GRIA1: variants seen among roughly 807,000 people sequenced by gnomAD.
GRIA1 encodes the protein glutamate receptor 1.
GRIA1 carries 31 observed loss-of-function variants against 99.2 expected under a neutral mutation model. That is an observed-to-expected ratio of 0.31 (90% CI 0.23 to 0.42). The LOEUF is 0.42. Ranked by LOEUF, GRIA1 falls within the 10% of genes least tolerant of loss-of-function variation. The pLI, the probability that GRIA1 is intolerant of heterozygous loss-of-function variation, is 1.00. For synonymous variants in GRIA1, 438 were observed against 432.4 expected (o/e 1.01, Z -0.16); for missense variants, 782 against 1,157.5 (o/e 0.68, Z 4.71).
chr5:153,758,394 G>C (rs1762960466), intron 11 of GRIA1, among the ~76,000 whole-genome samples: 1 of 151,812 alleles, frequency 6.6e-6, no homozygotes, highest in Non-Finnish European at 1.5e-5. Context: ...CAAAAAAATG[G>C]AGCAGGAGTA....
intron 13 of GRIA1, among the ~76,000 whole-genome samples, chr5:153,783,523 G>C: frequency 6.6e-6 from 1 of 152,150 alleles, no homozygotes; most frequent in East Asian, 1.9e-4. Context: ...ATTCCTGTTG[G>C]AGGAGCCAGA....
chr5:153,522,830 T>C (rs514336), intron 2 of GRIA1, among the ~76,000 whole-genome samples: 124,195 of 152,168 alleles, frequency 0.82, 51,926 homozygotes, highest in Non-Finnish European at 0.9. Flanking sequence ...TGGGAATAGC[T>C]AAATGTTATC....
chr5:153,667,693 G>A (rs1406079006), intron 5 of GRIA1, among the ~76,000 whole-genome samples: 1 of 152,200 alleles, frequency 6.6e-6, no homozygotes, highest in Non-Finnish European at 1.5e-5. Flanking sequence ...GAGAGGTTAA[G>A]TAACCAGTAG....
intron 2 of GRIA1, among the ~76,000 whole-genome samples, chr5:153,535,299 T>C (rs1307418763): frequency 6.6e-6 from 1 of 152,206 alleles, no homozygotes; most frequent in East Asian, 1.9e-4. Flanking sequence ...ATTTAGAATG[T>C]CAAACACGTA....
intron 2 of GRIA1, among the ~76,000 whole-genome samples, chr5:153,523,613 G>A (rs1280609929): frequency 6.6e-6 from 1 of 152,026 alleles, no homozygotes; most frequent in Non-Finnish European, 1.5e-5. Flanking sequence ...TCATTGACTG[G>A]CCTTGACACC....
At chr5:153,740,152 G>T (rs115421861) in intron 11 of GRIA1, among the ~76,000 whole-genome samples, 2 of 152,182 alleles carry the variant, frequency 1.3e-5, no homozygotes, top group African/African-American at 2.4e-5. Context: ...TTTGTGTTCC[G>T]CCCAAGGAAC....
At chr5:153,726,288 G>GA (rs1760520520) in intron 11 of GRIA1, among the ~76,000 whole-genome samples, 2 of 147,848 alleles carry the variant, frequency 1.4e-5, no homozygotes, top group African/African-American at 2.5e-5. Context: ...AGAGAATGCA[G>GA]GAAAGATCCA....
chr5:153,582,935 T>G (rs546806430), intron 2 of GRIA1, among the ~76,000 whole-genome samples: 7 of 152,224 alleles, frequency 4.6e-5, no homozygotes, highest in African/African-American at 1.7e-4. Flanking sequence ...TAACCAGGAC[T>G]ACAGGGGGTG....
At chr5:153,554,611 A>C (rs1290462212) in intron 2 of GRIA1, among the ~76,000 whole-genome samples, 1 of 152,178 alleles carries the variant, frequency 6.6e-6, no homozygotes, top group Non-Finnish European at 1.5e-5. Context: ...CTCCTGCCTC[A>C]GCCTCCCAAG....
intron 2 of GRIA1, among the ~76,000 whole-genome samples, chr5:153,583,635 C>G (rs1357571230): frequency 2.0e-5 from 3 of 152,130 alleles, no homozygotes; most frequent in African/African-American, 7.2e-5. Flanking sequence ...TCTACAATGA[C>G]CCTATTTCCA....
Position 153,622,457 on chromosome 5 carries a change from A to G in GRIA1, c.221-24471A>G, listed in dbSNP as rs556353546. Among the ~76,000 whole-genome samples the G allele has an allele frequency of 1.3e-5, 2 of 152,286 alleles. 1 individual carries two copies. Among genetic ancestry groups the G allele is most frequent in the South Asian group, 4.1e-4 (2 of 4,824 alleles). ...ATAGGCCTCTTAGGTTAAAGTCCTG[A>G]TGTTAGGTTTGCTGGTTGAGAAGGA... On this transcript the variant is annotated intron_variant, in intron 2 of 15. Transcript: ENST00000285900.
chr5:153,604,375 G>T (rs1014518233), intron 2 of GRIA1, among the ~76,000 whole-genome samples: 13 of 152,034 alleles, frequency 8.6e-5, no homozygotes, highest in African/African-American at 2.9e-4. Flanking sequence ...ATTCTAATTT[G>T]TTAAAAAAAA....
chr5:153,499,668 C>T lies in GRIA1; in HGVS notation c.220+5603C>T, dbSNP rs143333308. Among the ~76,000 whole-genome samples, 810 of 139,556 alleles carry T rather than the reference C, an allele frequency of 5.8e-3. 12 individuals are homozygous for T. The highest frequency in any genetic ancestry group is 0.021 in the African/African-American group (775 of 37,350). 91.6% of individuals were successfully genotyped at this position (139,556 alleles called of 152,430 possible). A position where few individuals can be genotyped will look rare whatever the true frequency, so the allele number is the denominator to read the frequency against. ...ATGAATATATGGACAGAGAAAAGTA[C>T]CATAGCAGTGAAATAGCCCAACGGT... On this transcript the variant is annotated intron_variant, in intron 2 of 15. Transcript: ENST00000285900.
chr5:153,563,047 G>T (rs1761280431), intron 2 of GRIA1, among the ~76,000 whole-genome samples: 1 of 151,776 alleles, frequency 6.6e-6, no homozygotes, highest in Non-Finnish European at 1.5e-5. Context: ...ATGGTGGCAG[G>T]CGCCTGTAAT....
intron 5 of GRIA1, among the ~76,000 whole-genome samples, chr5:153,659,031 C>A (rs1197291673): frequency 2.6e-5 from 4 of 152,050 alleles, no homozygotes; most frequent in African/African-American, 7.2e-5. Context: ...CCAGATGCCC[C>A]TTTTAGCTGG....
rs55874747 is a variant in GRIA1, at chr5:153,738,720, CT to C, written c.1824-25696del. On this transcript the variant is annotated intron_variant, in intron 11 of 15. Transcript: ENST00000285900. ...TGTTGCGTGTTCATCTCCATACCTTCTTTTTTTTTTTTTTTTTTGGAGAAGG... is the reference window on the plus strand; with the variant it reads ...TGTTGCGTGTTCATCTCCATACCTTCTTTTTTTTTTTTTTTTTGGAGAAGG... 8.4e-4 allele frequency among the ~76,000 whole-genome samples: 86 copies of C among 102,350 alleles called. 2 individuals are homozygous for C. The highest frequency in any genetic ancestry group is 6.8e-3 in the Middle Eastern group (1 of 146). 67.1% of individuals were successfully genotyped at this position (102,350 alleles called of 152,430 possible).
intron 12 of GRIA1, 121 bp from the exon 13 acceptor site, chr5:153,770,047 T>C (rs1763769438): frequency 7.1e-6 from 7 of 982,894 alleles, no homozygotes; most frequent in Non-Finnish European, 1.1e-5. Flanking sequence ...ATAATTTGTT[T>C]CTTCCTGAGC....
intron 11 of GRIA1, among the ~76,000 whole-genome samples, chr5:153,724,567 T>G (rs1760356010): frequency 6.6e-6 from 1 of 152,172 alleles, no homozygotes; most frequent in South Asian, 2.1e-4. Flanking sequence ...CTGATGGAGC[T>G]GAAAGCCAAG....
intron 2 of GRIA1, among the ~76,000 whole-genome samples, chr5:153,582,246 G>A (rs1561661746): frequency 6.6e-6 from 1 of 152,170 alleles, no homozygotes; most frequent in African/African-American, 2.4e-5. Flanking sequence ...TTTTATGTTA[G>A]CACCTTTGGG....
Sources: gnomAD v4.1 joint callset for allele counts (sites outside exome capture counted in the v4.1 genomes callset) on GRCh38, gnomAD v4.1.1 for gene constraint, MANE v1.5 for transcripts, NCBI Gene and HGNC (gene_info 2026-07-23, HGNC 2026-07-21) for gene names.